Variants in MALRD1 observed in about 807,000 individuals in gnomAD.
The protein encoded by MALRD1 is MAM and LDL-receptor class A domain-containing protein 1.
A neutral mutation model predicts 242.1 loss-of-function variants in MALRD1; 247 were observed. The ratio of observed to expected loss-of-function variants is 1.02; its 90% confidence interval spans 0.92 to 1.13. The LOEUF is 1.13. MALRD1 is among the 50% of genes most tolerant of loss of function. The probability of loss-of-function intolerance (pLI) is 0.00; values close to 1 mark genes in which losing one functional copy is unlikely to be tolerated. For missense variants in MALRD1, 2,989 were observed against 2,533.1 expected, an observed-to-expected ratio of 1.18 and a Z score of -3.86; for synonymous variants, 995 against 866.6, an observed-to-expected ratio of 1.15 and a Z score of -2.60.
intron 26 of MALRD1, among the ~76,000 whole-genome samples, chr10:19,352,790 T>A (rs904191994): frequency 2.6e-5 from 4 of 152,272 alleles, no homozygotes; most frequent in Admixed American, 2.0e-4. Context: ...CTAAAATAAC[T>A]TTTGATAATT....
chr10:19,710,624 GAAC>G (rs1334522960), intron 38 of MALRD1: 1 of 152,162 alleles, frequency 6.6e-6, no homozygotes, highest in Non-Finnish European at 1.5e-5. Context: ...GCAACCTATA[GAAC>G]AATACAAACT....
chr10:19,244,695 C>T (rs1434045136), intron 18 of MALRD1, among the ~76,000 whole-genome samples: 2 of 152,178 alleles, frequency 1.3e-5, no homozygotes, highest in African/African-American at 4.8e-5. Flanking sequence ...CCAGCATACA[C>T]AGCAACGTGC....
chr10:19,675,907 C>T (rs146822488), intron 36 of MALRD1, among the ~76,000 whole-genome samples: 2 of 152,220 alleles, frequency 1.3e-5, no homozygotes, highest in African/African-American at 4.8e-5. Context: ...TTCCATGAGA[C>T]CAAAGATGGC....
intron 38 of MALRD1, among the ~76,000 whole-genome samples, chr10:19,707,371 T>G (rs1418392578): frequency 6.6e-6 from 1 of 152,150 alleles, no homozygotes; most frequent in Admixed American, 6.5e-5. Flanking sequence ...AAACTCAAAT[T>G]TTCCAATTTA....
At chr10:19,074,155 G>A (rs150962241) in intron 2 of MALRD1, among the ~76,000 whole-genome samples, 6 of 152,186 alleles carry the variant, frequency 3.9e-5, no homozygotes, top group African/African-American at 1.2e-4. Context: ...TTTCTCACCT[G>A]AACTGTTTCC....
rs550470498 is a variant in MALRD1 at position 19,275,496 on chromosome 10, G to A, written c.3080-4551G>A. Among the ~76,000 whole-genome samples, 84 of 152,100 alleles carry A rather than the reference G, an allele frequency of 5.5e-4. 2 individuals are homozygous for A. In the South Asian group the frequency reaches 0.015, roughly 27 times the overall value. On this transcript the variant is annotated intron_variant, in intron 19 of 39. Transcript: ENST00000454679. ...ATCCTGGTTAACACAGTGAAACCCCGTCTCTACTAAAAATACAAAAAAATT... is the reference window on the plus strand; with the variant it reads ...ATCCTGGTTAACACAGTGAAACCCCATCTCTACTAAAAATACAAAAAAATT...
rs148341938 is a variant in MALRD1 at position 19,154,187 on chromosome 10, A to C, written c.1559-888A>C. 3.5e-3 allele frequency among the ~76,000 whole-genome samples: 529 copies of C among 152,132 alleles called. 1 individual carries two copies. The highest frequency in any genetic ancestry group is 0.012 in the African/African-American group (496 of 41,478). On this transcript the variant is annotated intron_variant, in intron 11 of 39. Coordinates refer to ENST00000454679, the MANE Select transcript of MALRD1 (RefSeq NM_001142308.3). ...TTAAAAACAATATAAACTGGGTTCT[A>C]TTTTTCCCACTCAAAGATGACACTG...
At chr10:19,585,459 G>A (rs1161092643) in intron 33 of MALRD1, among the ~76,000 whole-genome samples, 1 of 151,962 alleles carries the variant, frequency 6.6e-6, no homozygotes, top group South Asian at 2.1e-4. Flanking sequence ...TGTCTGTAAA[G>A]TATTTTATTT....
intron 36 of MALRD1, among the ~76,000 whole-genome samples, chr10:19,641,634 T>C (rs1285516630): frequency 6.6e-6 from 1 of 152,180 alleles, no homozygotes; most frequent in African/African-American, 2.4e-5. Flanking sequence ...CCGTTTGTTA[T>C]ATTCTTGGAG....
chr10:19,672,556 T>C (rs1471419665), intron 36 of MALRD1, among the ~76,000 whole-genome samples: 1 of 151,950 alleles, frequency 6.6e-6, no homozygotes, highest in Non-Finnish European at 1.5e-5. Flanking sequence ...CCCGAGTAGC[T>C]GGTATTACAG....
At chr10:19,488,907 T>C in intron 29 of MALRD1, 4 of 359,170 alleles carry the variant, frequency 1.1e-5, no homozygotes, top group Non-Finnish European at 2.2e-5. Context: ...TTCTAAGAAG[T>C]AGTTTGGGTT....
chr10:19,363,136 TGA>T (rs1344310061), intron 26 of MALRD1, among the ~76,000 whole-genome samples: 6 of 152,040 alleles, frequency 3.9e-5, no homozygotes, highest in Non-Finnish European at 8.8e-5. Flanking sequence ...GAGGGAGGCC[TGA>T]GAGGCAGACA....
chr10:19,664,807 G>A (rs1026102674), intron 36 of MALRD1, among the ~76,000 whole-genome samples: 2 of 151,826 alleles, frequency 1.3e-5, no homozygotes, highest in African/African-American at 4.8e-5. Context: ...TTAAAAGTGG[G>A]ATCATACAGT....
chr10:19,200,242 C>A, intron 14 of MALRD1, among the ~76,000 whole-genome samples: 1 of 152,152 alleles, frequency 6.6e-6, no homozygotes, highest in Non-Finnish European at 1.5e-5. Flanking sequence ...TATGTTCTTT[C>A]TGGTTCATGT....
intron 2 of MALRD1, among the ~76,000 whole-genome samples, chr10:19,083,460 T>G (rs1216060591): frequency 6.6e-6 from 1 of 152,032 alleles, no homozygotes; most frequent in Non-Finnish European, 1.5e-5. Context: ...TATTAGTTTA[T>G]TATTTTCACT....
At chr10:19,249,712 G>A (rs1026654663) in intron 18 of MALRD1, among the ~76,000 whole-genome samples, 1 of 151,982 alleles carries the variant, frequency 6.6e-6, no homozygotes, top group East Asian at 1.9e-4. Context: ...GCCTTAGCTT[G>A]AGTGGTCAAG....
chr10:19,692,099 G>C (rs191128995), intron 36 of MALRD1, among the ~76,000 whole-genome samples, 183 bp from the exon 37 acceptor site: 1 of 152,216 alleles, frequency 6.6e-6, no homozygotes, highest in African/African-American at 2.4e-5. Context: ...ACAATGATAT[G>C]AAAATAATAC....
chr10:19,326,352 G>C (rs1843135543), intron 22 of MALRD1, among the ~76,000 whole-genome samples: 1 of 151,924 alleles, frequency 6.6e-6, no homozygotes, highest in Non-Finnish European at 1.5e-5. Flanking sequence ...TTTTTAAAAG[G>C]ATTAAAATTT....
rs1554830162 is a variant in MALRD1, at chr10:19,718,000, C to CTAAAAAAA, written c.6315-12702_6315-12701insAAAATAAA. 3.6e-3 allele frequency among the ~76,000 whole-genome samples: 466 copies of CTAAAAAAA among 128,128 alleles called. 8 individuals are homozygous for CTAAAAAAA. Among genetic ancestry groups the CTAAAAAAA allele is most frequent in the African/African-American group, 0.012 (384 of 31,600 alleles). The allele number at this position is 128,128 out of a possible 152,430, so 84.1% of individuals were successfully genotyped here. ...CCACTGCACTCCAGAGAGATTCTACCTAAATAAATAAATAAATAAATAAAT... is the reference window on the plus strand; with the variant it reads ...CCACTGCACTCCAGAGAGATTCTACCTAAAAAAATAAATAAATAAATAAATAAATAAAT... On this transcript the variant is annotated intron_variant, in intron 38 of 39. Transcript: ENST00000454679.
Sources: gnomAD v4.1 joint callset for allele counts (sites outside exome capture counted in the v4.1 genomes callset) on GRCh38, gnomAD v4.1.1 for gene constraint, MANE v1.5 for transcripts, NCBI Gene and HGNC (gene_info 2026-07-23, HGNC 2026-07-21) for gene names.